NRXN3: variants seen among roughly 807,000 people sequenced by gnomAD.
The protein encoded by NRXN3 is neurexin 3, also known as neurexin III.
NRXN3 carries 32 observed loss-of-function variants against 137.6 expected under a neutral mutation model. The observed-to-expected ratio is 0.23, with a 90% CI of 0.18 to 0.31. NRXN3 has a LOEUF of 0.31. Among genes scored for constraint, NRXN3 ranks in the 10% least tolerant of loss-of-function variants. NRXN3 has a pLI of 1.00. For synonymous variants in NRXN3, 798 were observed against 784.5 expected (o/e 1.02, Z -0.29); for missense variants, 1,574 against 2,062.5 (o/e 0.76, Z 4.59).
intron 15 of NRXN3, among the ~76,000 whole-genome samples, chr14:79,227,002 G>A (rs972522487): frequency 6.6e-6 from 1 of 151,594 alleles, no homozygotes; most frequent in African/African-American, 2.4e-5. Flanking sequence ...TGTATTTTTA[G>A]TAGAAACGGG....
intron 1 of NRXN3, among the ~76,000 whole-genome samples, chr14:78,236,696 A>C (rs1056228665): frequency 6.6e-6 from 1 of 151,584 alleles, no homozygotes; most frequent in Non-Finnish European, 1.5e-5. Context: ...AAATTTCATG[A>C]AGTTCAAAAC....
intron 4 of NRXN3, among the ~76,000 whole-genome samples, chr14:78,538,005 T>G (rs2153817447): frequency 6.6e-6 from 1 of 152,360 alleles, no homozygotes; most frequent in South Asian, 2.1e-4. Flanking sequence ...CTGTTTTGGT[T>G]ACTATAGCCT....
intron 15 of NRXN3, among the ~76,000 whole-genome samples, chr14:79,388,842 T>C (rs1320615277): frequency 2.0e-5 from 3 of 152,202 alleles, no homozygotes; most frequent in African/African-American, 4.8e-5. Flanking sequence ...TGGGAGGTAA[T>C]TGAATCATGG....
chr14:78,835,799 A>G (rs1384276382), intron 10 of NRXN3, among the ~76,000 whole-genome samples: 1 of 152,156 alleles, frequency 6.6e-6, no homozygotes, highest in East Asian at 1.9e-4. Flanking sequence ...TAAGTACAAC[A>G]TTGATAGAGG....
At chr14:79,122,184 T>G (rs2055560873) in intron 15 of NRXN3, among the ~76,000 whole-genome samples, 1 of 152,182 alleles carries the variant, frequency 6.6e-6, no homozygotes, top group African/African-American at 2.4e-5. Context: ...AAAATTCCTC[T>G]GTGGTTGTTA....
At position 79,638,885 on chromosome 14, in the gene NRXN3, G is replaced by C. The variant is rs115773522; in HGVS notation, c.3445-24893G>C. On this transcript the variant is annotated intron_variant, in intron 16 of 20. Coordinates refer to ENST00000335750, the MANE Select transcript of NRXN3 (RefSeq NM_001330195.2). ...CACGGAAACAGCTGGTGAGCTGTCAGAATGATCTTAAGGAGGAAATGTGAA... is the reference window on the plus strand; with the variant it reads ...CACGGAAACAGCTGGTGAGCTGTCACAATGATCTTAAGGAGGAAATGTGAA... Among the ~76,000 whole-genome samples, 1,217 of 152,344 alleles carry C rather than the reference G, an allele frequency of 8.0e-3. 8 individuals are homozygous for C. The highest frequency in any genetic ancestry group is 0.028 in the African/African-American group (1,164 of 41,590).
chr14:79,842,142 C>T (rs748501419), intron 20 of NRXN3, among the ~76,000 whole-genome samples: 2 of 152,144 alleles, frequency 1.3e-5, no homozygotes, highest in Non-Finnish European at 2.9e-5. Context: ...ATGTGCCTGG[C>T]GCTGTTCTGT....
chr14:79,839,161 G>A (rs1302964530), intron 20 of NRXN3, among the ~76,000 whole-genome samples: 2 of 151,646 alleles, frequency 1.3e-5, no homozygotes, highest in Non-Finnish European at 2.9e-5. Flanking sequence ...TCAGGTAAAG[G>A]GCCCCTTCTG....
At chr14:79,687,972 G>C (rs1157112513) in intron 17 of NRXN3, among the ~76,000 whole-genome samples, 2 of 152,116 alleles carry the variant, frequency 1.3e-5, no homozygotes, top group African/African-American at 4.8e-5. Flanking sequence ...GGAATATTAA[G>C]GATGTTACAT....
chr14:79,451,604 G>T (rs905028658), intron 15 of NRXN3, among the ~76,000 whole-genome samples: 1 of 152,188 alleles, frequency 6.6e-6, no homozygotes, highest in Non-Finnish European at 1.5e-5. Flanking sequence ...GTGCCTGTAA[G>T]TTACCAGTGG....
intron 4 of NRXN3, among the ~76,000 whole-genome samples, chr14:78,319,353 T>C (rs536397200): frequency 5.3e-5 from 8 of 152,296 alleles, no homozygotes; most frequent in African/African-American, 1.9e-4. Context: ...CAAGTGCACA[T>C]GTGCTGTTCC....
intron 8 of NRXN3, among the ~76,000 whole-genome samples, chr14:78,716,039 T>C (rs977645463): frequency 2.7e-5 from 4 of 150,568 alleles, no homozygotes; most frequent in African/African-American, 9.8e-5. Flanking sequence ...AGAATAGAAT[T>C]GGGGAACTGT....
intron 15 of NRXN3, among the ~76,000 whole-genome samples, chr14:79,023,306 G>C (rs1303405074): frequency 6.6e-6 from 1 of 152,044 alleles, no homozygotes; most frequent in African/African-American, 2.4e-5. Flanking sequence ...TGGGGATACA[G>C]AGATGAGCAC....
rs1353591304 is a variant in NRXN3, at chr14:78,630,577, T to G, written c.758-14543T>G. On this transcript the variant is annotated intron_variant, in intron 4 of 20. Transcript: ENST00000335750. ...TTACTACAAATGTACTACACTCTTC[T>G]TATTTTTCTTTCTTTCTTTCTTTTT... Among the ~76,000 whole-genome samples, 4 of 150,030 alleles carry G rather than the reference T, an allele frequency of 2.7e-5. No homozygotes were observed. In the Admixed American group the frequency reaches 2.7e-4, roughly 10 times the overall value.
intron 8 of NRXN3, among the ~76,000 whole-genome samples, chr14:78,750,930 C>T (rs967713933): frequency 1.3e-5 from 2 of 152,130 alleles, no homozygotes; most frequent in Admixed American, 1.3e-4. Context: ...AGAATTCTAC[C>T]ATGACAATTT....
chr14:79,329,433 T>A (rs1328738492), intron 15 of NRXN3, among the ~76,000 whole-genome samples: 1 of 152,202 alleles, frequency 6.6e-6, no homozygotes, highest in Admixed American at 6.5e-5. Context: ...GAGCAGGTGG[T>A]ACAGGGTCCT....
At chr14:78,403,519 G>A (rs1480189351) in intron 4 of NRXN3, among the ~76,000 whole-genome samples, 1 of 152,170 alleles carries the variant, frequency 6.6e-6, no homozygotes, top group African/African-American at 2.4e-5. Context: ...TCCCCTGGGA[G>A]AGGATGAGGC....
chr14:78,191,504 C>A (rs985409175), intron 1 of NRXN3, among the ~76,000 whole-genome samples: 3 of 152,174 alleles, frequency 2.0e-5, no homozygotes, highest in African/African-American at 7.2e-5. Flanking sequence ...GAGGCTGAGA[C>A]CTTCCCAGGG....
chr14:79,058,319 G>A (rs2099668712), intron 15 of NRXN3, among the ~76,000 whole-genome samples: 1 of 152,070 alleles, frequency 6.6e-6, no homozygotes, highest in African/African-American at 2.4e-5. Context: ...AAGAGGGTCT[G>A]TGTTGCTCCA....
Sources: gnomAD v4.1 joint callset for allele counts (sites outside exome capture counted in the v4.1 genomes callset) on GRCh38, gnomAD v4.1.1 for gene constraint, MANE v1.5 for transcripts, NCBI Gene and HGNC (gene_info 2026-07-23, HGNC 2026-07-21) for gene names.